Variants in WDFY1 observed in about 807,000 individuals in gnomAD.
The protein encoded by WDFY1 is WD repeat and FYVE domain-containing protein 1.
In WDFY1, 32 loss-of-function variants were observed where a neutral mutation model predicts 56.4. The ratio of observed to expected loss-of-function variants is 0.57; its 90% CI spans 0.43 to 0.76. The LOEUF is 0.76. Among genes scored for constraint, WDFY1 ranks in the 30% least tolerant of loss-of-function variants. The pLI is 0.00. For synonymous variants in WDFY1, 192 were observed against 197.3 expected, an observed-to-expected ratio of 0.97 and a Z score of 0.23; for missense variants, 480 against 545.7, an observed-to-expected ratio of 0.88 and a Z score of 1.20.
chr2:223,915,745 T>C (rs1319340309), intron 2 of WDFY1, among the ~76,000 whole-genome samples: 2 of 152,168 alleles, frequency 1.3e-5, no homozygotes, highest in Non-Finnish European at 2.9e-5. Context: ...TCTGGGCCAC[T>C]GGAAAGTAAG....
rs1192018583 is a variant in WDFY1 at position 223,897,380 on chromosome 2, A to ATT, written c.598+1577_598+1578insAA. On this transcript the variant is annotated intron_variant, in intron 6 of 11. Transcript: ENST00000233055. ...TATATATATATATATATATATATATATATATATATATTTTTTAAGACGGAG... is the reference window on the plus strand; with the variant it reads ...TATATATATATATATATATATATATATTTATATATATATTTTTTAAGACGGAG... Among the ~76,000 whole-genome samples, 685 of 84,764 alleles carry ATT rather than the reference A, an allele frequency of 8.1e-3. 26 individuals are homozygous for ATT. Among genetic ancestry groups the ATT allele is most frequent in the Non-Finnish European group, 1.0e-2 (483 of 48,342 alleles). The allele number at this position is 84,764 out of a possible 152,430, so 55.6% of individuals were successfully genotyped here. A position where few individuals can be genotyped will look rare whatever the true frequency, so the allele number is the denominator to read the frequency against.
At chr2:223,934,337 C>A (rs950091930) in intron 1 of WDFY1, among the ~76,000 whole-genome samples, 8 of 151,364 alleles carry the variant, frequency 5.3e-5, no homozygotes, top group Non-Finnish European at 1.0e-4. Context: ...GTGATTCACC[C>A]ACCTCGGCCC....
chr2:223,938,815 C>T (rs1320995428), intron 1 of WDFY1, among the ~76,000 whole-genome samples: 1 of 151,072 alleles, frequency 6.6e-6, no homozygotes, highest in Non-Finnish European at 1.5e-5. Flanking sequence ...TAAATATATC[C>T]CAGAAGGTGA....
At chr2:223,881,593 C>G (rs1693073419) in intron 10 of WDFY1, among the ~76,000 whole-genome samples, 1 of 152,074 alleles carries the variant, frequency 6.6e-6, no homozygotes, top group Non-Finnish European at 1.5e-5. Context: ...AGTTCGAGAC[C>G]AGCCTGGCCA....
At chr2:223,892,041 C>A (rs1362091513) in intron 8 of WDFY1, among the ~76,000 whole-genome samples, 1 of 152,158 alleles carries the variant, frequency 6.6e-6, no homozygotes, top group Non-Finnish European at 1.5e-5. Context: ...GTGGTGCAAG[C>A]TTGGCTCACT....
At chr2:223,881,850 ATATCC>A in intron 10 of WDFY1, 87 bp downstream of exon 10, 1 of 1,504,648 alleles carries the variant, frequency 6.6e-7, no homozygotes, top group Non-Finnish European at 9.0e-7. Context: ...ATGGCTAAAC[ATATCC>A]TATCACTTCT....
chr2:223,927,106 G>A (rs1486908237), intron 1 of WDFY1, among the ~76,000 whole-genome samples: 1 of 152,204 alleles, frequency 6.6e-6, no homozygotes, highest in Non-Finnish European at 1.5e-5. Context: ...AGAGCACATG[G>A]CAAAGTAGAC....
At chr2:223,917,839 T>G in intron 2 of WDFY1, 104 bp downstream of exon 2, 1 of 1,372,364 alleles carries the variant, frequency 7.3e-7, no homozygotes, top group South Asian at 1.3e-5. Flanking sequence ...CTCAAAGTGC[T>G]GGGATTACAG....
intron 1 of WDFY1, among the ~76,000 whole-genome samples, chr2:223,925,859 T>C (rs1693970417): frequency 6.6e-6 from 1 of 152,238 alleles, no homozygotes; most frequent in Admixed American, 6.5e-5. Context: ...ACATTCAGCT[T>C]TTATCATGAG....
chr2:223,917,226 A>G (rs1008172773), intron 2 of WDFY1, among the ~76,000 whole-genome samples: 2 of 152,210 alleles, frequency 1.3e-5, no homozygotes, highest in Admixed American at 6.5e-5. Flanking sequence ...ACCTTGGACC[A>G]TGTCTCTCAA....
intron 2 of WDFY1, among the ~76,000 whole-genome samples, chr2:223,912,733 C>G (rs193258504): frequency 4.5e-4 from 69 of 152,268 alleles, no homozygotes; most frequent in African/African-American, 1.5e-3. Flanking sequence ...GGGTTCCCAG[C>G]ACCAGAATTC....
At chr2:223,890,450 CAAATT>C (rs1415709023) in intron 8 of WDFY1, among the ~76,000 whole-genome samples, 3 of 152,050 alleles carry the variant, frequency 2.0e-5, no homozygotes, top group Non-Finnish European at 2.9e-5. Flanking sequence ...TTTGAGATAA[CAAATT>C]AAAATCAAAA....
At chr2:223,937,313 G>A (rs1012759892) in intron 1 of WDFY1, among the ~76,000 whole-genome samples, 4 of 152,008 alleles carry the variant, frequency 2.6e-5, no homozygotes, top group East Asian at 1.9e-4. Context: ...TTACTCTTTC[G>A]TAAGATTAAA....
At chr2:223,906,308 T>C (rs557353519) in intron 3 of WDFY1, among the ~76,000 whole-genome samples, 1 of 152,016 alleles carries the variant, frequency 6.6e-6, no homozygotes, top group Non-Finnish European at 1.5e-5. Context: ...AAAACTTTAT[T>C]CTCTTAGTGA....
chr2:223,897,390 A>ATATATATATATTTT (rs1461451983), intron 6 of WDFY1, among the ~76,000 whole-genome samples: 4 of 125,990 alleles, frequency 3.2e-5, no homozygotes, highest in Non-Finnish European at 6.4e-5. Flanking sequence ...ATATATATAT[A>ATATATATATATTTT]TTTTTTAAGA....
chr2:223,899,132 A>G lies in WDFY1; in HGVS notation c.486-62T>C, dbSNP rs188953349. ...ACCTGAAAGTCCTCTCATAAGAGAG[A>G]TACCAGCATTAGTCAAAGTTAGTTT... On this transcript the variant is annotated intron_variant, in intron 5 of 11. Coordinates refer to ENST00000233055, the MANE Select transcript of WDFY1 (RefSeq NM_020830.5). The G allele has an allele frequency of 9.0e-6, 12 of 1,327,776 alleles. No homozygotes were observed. The Admixed American group carries it at 2.0e-4, about 23-fold the overall frequency. The allele number at this position is 1,327,776 out of a possible 1,614,324, so 82.2% of individuals were successfully genotyped here.
At chr2:223,908,566 C>T (rs1444043468) in intron 3 of WDFY1, among the ~76,000 whole-genome samples, 1 of 152,204 alleles carries the variant, frequency 6.6e-6, no homozygotes, top group Non-Finnish European at 1.5e-5. Context: ...TTTAGGCTCC[C>T]AGTCCTCTGG....
intron 1 of WDFY1, among the ~76,000 whole-genome samples, chr2:223,918,789 T>C (rs1043601726): frequency 8.5e-5 from 13 of 152,120 alleles, no homozygotes; most frequent in Non-Finnish European, 8.8e-5. Flanking sequence ...AAGAGGCTCA[T>C]GGAGGAGTGG....
intron 3 of WDFY1, among the ~76,000 whole-genome samples, chr2:223,909,412 G>A (rs1361057741): frequency 1.3e-5 from 2 of 151,956 alleles, no homozygotes; most frequent in Non-Finnish European, 2.9e-5. Context: ...AGCAGGTCTG[G>A]GCCCTGACTT....
Sources: allele counts gnomAD v4.1 joint callset (sites outside exome capture counted in the v4.1 genomes callset), GRCh38; gene constraint gnomAD v4.1.1; transcripts MANE v1.5; gene names NCBI Gene and HGNC (gene_info 2026-07-23, HGNC 2026-07-21).